FHIT: variants seen among roughly 807,000 people sequenced by gnomAD.
The protein encoded by FHIT is bis(5'-adenosyl)-triphosphatase.
FHIT carries 19 observed loss-of-function variants against 17.9 expected under a neutral mutation model. The observed-to-expected ratio is 1.06, with a 90% confidence interval of 0.74 to 1.56. FHIT has a LOEUF of 1.56. Ranked by LOEUF, FHIT falls within the 40% of genes most tolerant of loss-of-function variation. The probability of loss-of-function intolerance (pLI) is 0.00; values close to 1 mark genes in which losing one functional copy is unlikely to be tolerated. For missense variants in FHIT, 248 were observed against 189.2 expected (o/e 1.31, Z -1.82); for synonymous variants, 81 against 69.7 (o/e 1.16, Z -0.81).
chr3:59,928,939 G>A (rs1705809600), intron 7 of FHIT, among the ~76,000 whole-genome samples: 1 of 139,812 alleles, frequency 7.2e-6, no homozygotes, highest in African/African-American at 2.6e-5. Flanking sequence ...AAGTTGCAGT[G>A]AGCCGAGATT....
At chr3:59,754,018 C>CATT (rs1701066039) in intron 8 of FHIT, among the ~76,000 whole-genome samples, 3 of 152,104 alleles carry the variant, frequency 2.0e-5, no homozygotes, top group Admixed American at 1.3e-4. Flanking sequence ...AGCAAAAAGT[C>CATT]TATCAACTAA....
At chr3:61,223,314 C>G (rs530571949) in intron 1 of FHIT, among the ~76,000 whole-genome samples, 1 of 152,234 alleles carries the variant, frequency 6.6e-6, no homozygotes, top group South Asian at 2.1e-4. Context: ...TGACCATGCT[C>G]CAGAAGAAAC....
intron 3 of FHIT, among the ~76,000 whole-genome samples, chr3:61,025,858 A>C (rs1255815445): frequency 6.6e-6 from 1 of 152,210 alleles, no homozygotes; most frequent in Non-Finnish European, 1.5e-5. Flanking sequence ...CAAATAGCTA[A>C]GGGCTGCTGT....
At chr3:60,570,801 A>T (rs1160201185) in intron 4 of FHIT, among the ~76,000 whole-genome samples, 1 of 151,910 alleles carries the variant, frequency 6.6e-6, no homozygotes, top group African/African-American at 2.4e-5. Context: ...GTTGACAAAT[A>T]TTTGTTGGAC....
At chr3:60,016,302 T>G (rs1056725032) in intron 5 of FHIT, among the ~76,000 whole-genome samples, 1 of 152,222 alleles carries the variant, frequency 6.6e-6, no homozygotes, top group Non-Finnish European at 1.5e-5. Context: ...AGCAATAATA[T>G]TTTTTAAAGG....
At chr3:60,339,207 C>T (rs1185940870) in intron 5 of FHIT, among the ~76,000 whole-genome samples, 2 of 152,006 alleles carry the variant, frequency 1.3e-5, no homozygotes, top group Non-Finnish European at 1.5e-5. Context: ...CTTTGGATGT[C>T]AATTTTTCTT....
chr3:60,819,289 C>T (rs1253147724), intron 4 of FHIT, among the ~76,000 whole-genome samples: 2 of 152,200 alleles, frequency 1.3e-5, no homozygotes, highest in African/African-American at 2.4e-5. Flanking sequence ...GATCATCTTG[C>T]CAAGTACATG....
intron 5 of FHIT, among the ~76,000 whole-genome samples, chr3:60,319,154 C>T (rs575304078): frequency 6.6e-6 from 1 of 152,134 alleles, no homozygotes; most frequent in Non-Finnish European, 1.5e-5. Context: ...AGGTAACATT[C>T]ACAGGTACCA....
At chr3:59,750,391 T>C (rs925722256) in intron 9 of FHIT, 3 of 224,556 alleles carry the variant, frequency 1.3e-5, no homozygotes, top group African/African-American at 6.7e-5. Flanking sequence ...CCATTTAAAT[T>C]TGAACAGGGC....
chr3:61,058,813 G>A (rs951966672), intron 2 of FHIT, among the ~76,000 whole-genome samples: 11 of 152,170 alleles, frequency 7.2e-5, no homozygotes, highest in African/African-American at 2.4e-4. Flanking sequence ...ACCTTACATG[G>A]TAGGTACCAT....
At chr3:60,840,191 C>T (rs1170997128) in intron 3 of FHIT, among the ~76,000 whole-genome samples, 4 of 152,030 alleles carry the variant, frequency 2.6e-5, no homozygotes, top group South Asian at 2.1e-4. Flanking sequence ...CAATAGACAG[C>T]GAGGAAGGAG....
intron 5 of FHIT, among the ~76,000 whole-genome samples, chr3:60,096,045 C>T (rs560969124): frequency 2.6e-5 from 4 of 152,282 alleles, no homozygotes; most frequent in Non-Finnish European, 5.9e-5. Context: ...TTCTTGATCA[C>T]TTTGCAAGCC....
At chr3:60,757,477 G>C (rs1175708760) in intron 4 of FHIT, among the ~76,000 whole-genome samples, 1 of 152,222 alleles carries the variant, frequency 6.6e-6, no homozygotes, top group Non-Finnish European at 1.5e-5. Flanking sequence ...AAAGAGGACA[G>C]GAAGGGCCTC....
intron 4 of FHIT, among the ~76,000 whole-genome samples, chr3:60,564,024 C>A (rs917182560): frequency 2.0e-5 from 3 of 152,142 alleles, no homozygotes; most frequent in African/African-American, 7.2e-5. Flanking sequence ...AAGTTAGTGC[C>A]TGGCTTCAAA....
chr3:61,002,767 A>C (rs932251513), intron 3 of FHIT, among the ~76,000 whole-genome samples: 3 of 152,120 alleles, frequency 2.0e-5, no homozygotes, highest in Non-Finnish European at 4.4e-5. Context: ...GCAATGTGCC[A>C]GCATCTGCAT....
intron 3 of FHIT, among the ~76,000 whole-genome samples, chr3:60,845,798 G>A (rs1201300571): frequency 6.6e-6 from 1 of 152,116 alleles, no homozygotes; most frequent in Non-Finnish European, 1.5e-5. Flanking sequence ...CTCACAGGTC[G>A]ATGTCTGGGA....
chr3:60,721,089 A>C (rs1315498044), intron 4 of FHIT, among the ~76,000 whole-genome samples: 1 of 152,240 alleles, frequency 6.6e-6, no homozygotes, highest in South Asian at 2.1e-4. Flanking sequence ...TTGTTGAAGC[A>C]ATTGCTTTGT....
intron 5 of FHIT, among the ~76,000 whole-genome samples, chr3:60,521,876 T>C (rs2035380696): frequency 6.6e-6 from 1 of 152,180 alleles, no homozygotes; most frequent in African/African-American, 2.4e-5. Context: ...TTCTCCCATG[T>C]ACATTCAACA....
intron 5 of FHIT, among the ~76,000 whole-genome samples, chr3:60,515,939 C>G (rs973629558): frequency 2.9e-4 from 44 of 152,292 alleles, no homozygotes; most frequent in African/African-American, 9.9e-4. Flanking sequence ...TGAATACTGC[C>G]TCTGGGTATG....
Sources: allele counts gnomAD v4.1 joint callset (sites outside exome capture counted in the v4.1 genomes callset), GRCh38; gene constraint gnomAD v4.1.1; transcripts MANE v1.5; gene names NCBI Gene and HGNC (gene_info 2026-07-23, HGNC 2026-07-21).